Variants in ZFHX3 observed in about 807,000 individuals in gnomAD.
The protein encoded by ZFHX3 is zinc finger homeobox 3, also known as zinc finger homeobox protein 3.
ZFHX3 carries 42 observed loss-of-function variants against 279.1 expected under a neutral mutation model. The observed-to-expected ratio is 0.15, with a 90% CI of 0.12 to 0.19. The LOEUF (loss-of-function observed/expected upper bound fraction) is 0.19, where lower values mean the gene tolerates loss of function less well. ZFHX3 is among the 10% of genes least tolerant of loss of function. ZFHX3 has a pLI of 1.00. For missense variants in ZFHX3, 4,981 were observed against 4,754.0 expected (o/e 1.05, Z -1.40); for synonymous variants, 2,293 against 1,957.8 (o/e 1.17, Z -4.52).
intron 3 of ZFHX3, among the ~76,000 whole-genome samples, chr16:73,428,512 C>T (rs1183384600): frequency 1.3e-5 from 2 of 152,114 alleles, no homozygotes. Context: ...TTGCCCCCAG[C>T]CACCAGCCAC....
chr16:72,916,958 G>A (rs951647213), intron 3 of ZFHX3, among the ~76,000 whole-genome samples: 2 of 152,166 alleles, frequency 1.3e-5, no homozygotes, highest in African/African-American at 2.4e-5. Flanking sequence ...GCAGAAGAAG[G>A]CCAGGTGCAG....
chr16:73,239,653 G>T (rs555588464), intron 5 of ZFHX3, among the ~76,000 whole-genome samples: 1 of 152,262 alleles, frequency 6.6e-6, no homozygotes, highest in South Asian at 2.1e-4. Context: ...AGTACCTGGT[G>T]GAGTTGAATA....
chr16:72,787,695 GC>G lies in ZFHX3; in HGVS notation c.10580del (p.Gly3527AlafsTer18). The G allele has an allele frequency of 8.1e-7, 1 of 1,227,760 alleles. No homozygotes were observed. Among genetic ancestry groups the G allele is most frequent in the Non-Finnish European group, 1.0e-6 (1 of 953,068 alleles). The allele number at this position is 1,227,760 out of a possible 1,614,324, so 76.1% of individuals were successfully genotyped here. A position where few individuals can be genotyped will look rare whatever the true frequency, so the allele number is the denominator to read the frequency against. On this transcript the variant is annotated frameshift_variant, in exon 10 of 10. Transcript: ENST00000268489. LOFTEE classifies it high-confidence loss of function. ...TCTCGCACGCCAGGCAGTGGTACGA[GC>G]CGCCGCCGCCGCCGCCGCCGCCACC... ...GGGGGGGGGG[G>X]SYHCLACESA...
intron 2 of ZFHX3, among the ~76,000 whole-genome samples, chr16:73,602,789 A>G (rs1019385687): frequency 6.6e-6 from 1 of 151,726 alleles, no homozygotes; most frequent in African/African-American, 2.4e-5. Flanking sequence ...TACTAAAAAA[A>G]TACAAAAATT....
intron 2 of ZFHX3, among the ~76,000 whole-genome samples, chr16:73,580,206 G>A (rs2051844928): frequency 1.3e-5 from 2 of 151,878 alleles, no homozygotes; most frequent in South Asian, 4.1e-4. Context: ...CTGGCCAGGT[G>A]CAGTGGCTCA....
At chr16:73,247,586 T>C (rs555989598) in intron 5 of ZFHX3, among the ~76,000 whole-genome samples, 400 of 150,678 alleles carry the variant, frequency 2.7e-3, no homozygotes, top group South Asian at 7.6e-3. Context: ...GTATATACTG[T>C]GTATATGATG....
intron 3 of ZFHX3, chr16:73,420,133 C>T (rs964234102): frequency 1.3e-5 from 2 of 152,116 alleles, no homozygotes; most frequent in Non-Finnish European, 2.9e-5. Context: ...GTTTCAAACT[C>T]CTGGGCTCAA....
intron 1 of ZFHX3, among the ~76,000 whole-genome samples, chr16:73,822,028 C>T (rs1960758751): frequency 6.6e-6 from 1 of 152,160 alleles, no homozygotes; most frequent in South Asian, 2.1e-4. Flanking sequence ...GCACTGCCTT[C>T]CCAAAGGACC....
At chr16:73,634,421 G>T in intron 2 of ZFHX3, among the ~76,000 whole-genome samples, 1 of 113,934 alleles carries the variant, frequency 8.8e-6, no homozygotes. Flanking sequence ...AACTCAACCA[G>T]TTATTATGTA....
intron 5 of ZFHX3, among the ~76,000 whole-genome samples, chr16:73,217,311 G>T (rs974642196): frequency 2.0e-5 from 3 of 152,140 alleles, no homozygotes; most frequent in African/African-American, 7.2e-5. Context: ...GCAACACCTG[G>T]AGAAGTGGAA....
intron 2 of ZFHX3, among the ~76,000 whole-genome samples, chr16:73,471,917 C>A (rs1275781070): frequency 6.6e-6 from 1 of 152,062 alleles, no homozygotes. Flanking sequence ...GGAGCAAGCC[C>A]GCTGCATGGT....
intron 7 of ZFHX3, among the ~76,000 whole-genome samples, chr16:72,810,840 T>C (rs2036423890): frequency 6.6e-6 from 1 of 152,184 alleles, no homozygotes; most frequent in African/African-American, 2.4e-5. Flanking sequence ...TGAGCCTCAG[T>C]TTCCTTATCT....
intron 1 of ZFHX3, among the ~76,000 whole-genome samples, chr16:73,691,107 G>C (rs769199711): frequency 6.6e-6 from 1 of 152,138 alleles, no homozygotes; most frequent in Non-Finnish European, 1.5e-5. Flanking sequence ...AGGGTCTCTT[G>C]GTTATTAACA....
intron 5 of ZFHX3, among the ~76,000 whole-genome samples, chr16:73,190,785 A>C (rs1319045713): frequency 6.6e-6 from 1 of 152,136 alleles, no homozygotes; most frequent in East Asian, 1.9e-4. Context: ...CTCCAAGGTC[A>C]CTCACCGAAC....
At chr16:73,321,033 C>T (rs2015564129) in intron 3 of ZFHX3, among the ~76,000 whole-genome samples, 1 of 152,196 alleles carries the variant, frequency 6.6e-6, no homozygotes, top group African/African-American at 2.4e-5. Context: ...ATCTGACCCC[C>T]AGGAGATCCT....
intron 1 of ZFHX3, among the ~76,000 whole-genome samples, chr16:73,682,365 G>A (rs954413949): frequency 3.3e-5 from 5 of 152,024 alleles, no homozygotes; most frequent in Non-Finnish European, 5.9e-5. Flanking sequence ...TAAGGCACAT[G>A]GGAATGTTGT....
intron 2 of ZFHX3, among the ~76,000 whole-genome samples, chr16:73,629,273 G>A (rs1290306696): frequency 6.6e-6 from 1 of 152,094 alleles, no homozygotes; most frequent in Non-Finnish European, 1.5e-5. Context: ...ATTTCATATG[G>A]TATTCAGAAG....
chr16:72,809,689 T>G (rs978465197), intron 7 of ZFHX3: 1 of 152,176 alleles, frequency 6.6e-6, no homozygotes, highest in African/African-American at 2.4e-5. Flanking sequence ...CCAAATGGAA[T>G]AGAAAATGCC....
chr16:73,004,478 A>G (rs1291605158), intron 1 of ZFHX3, among the ~76,000 whole-genome samples: 1 of 150,944 alleles, frequency 6.6e-6, no homozygotes, highest in African/African-American at 2.5e-5. Flanking sequence ...ACAGATGCCC[A>G]CCATCACGCC....
Sources: gnomAD v4.1 joint callset for allele counts (sites outside exome capture counted in the v4.1 genomes callset) on GRCh38, gnomAD v4.1.1 for gene constraint, MANE v1.5 for transcripts, NCBI Gene and HGNC (gene_info 2026-07-23, HGNC 2026-07-21) for gene names.